NPC1: variants seen among roughly 807,000 people sequenced by gnomAD.
NPC1 encodes NPC intracellular cholesterol transporter 1, also known as Niemann-Pick C1 protein.
A neutral mutation model predicts 140.4 loss-of-function variants in NPC1; 85 were observed. The ratio of observed to expected loss-of-function variants is 0.61; its 90% CI spans 0.51 to 0.72. The LOEUF is 0.72. NPC1 is among the 30% of genes least tolerant of loss of function. The pLI, the probability that NPC1 is intolerant of heterozygous loss-of-function variation, is 0.00. For synonymous variants in NPC1, 656 were observed against 624.8 expected (o/e 1.05, Z -0.74); for missense variants, 1,504 against 1,623.8 (o/e 0.93, Z 1.27).
At chr18:23,536,449 A>T (rs147856646) in intron 21 of NPC1, among the ~76,000 whole-genome samples, 33 of 152,278 alleles carry the variant, frequency 2.2e-4, no homozygotes, top group Admixed American at 1.3e-3. Context: ...AGTGGCGCAG[A>T]GATCAAGTTT....
intron 9 of NPC1, among the ~76,000 whole-genome samples, chr18:23,552,299 A>AT (rs1207535126): frequency 1.3e-5 from 2 of 152,156 alleles, no homozygotes; most frequent in Admixed American, 6.5e-5. Context: ...TCTAAAAAAA[A>AT]AATAATAATA....
chr18:23,532,972 T>C lies in NPC1; in HGVS notation c.3754+383A>G, dbSNP rs950644155. 7 of 983,866 alleles carry C rather than the reference T, an allele frequency of 7.1e-6. No individual in the cohort carries two copies. The Admixed American group carries it at 2.5e-4, about 35-fold the overall frequency. The allele number at this position is 983,866 out of a possible 1,614,324, so 60.9% of individuals were successfully genotyped here. A position where few individuals can be genotyped will look rare whatever the true frequency, so the allele number is the denominator to read the frequency against. ...ACTTTGCTAAGAAACGGGAAATCCA[T>C]GAGGGACATAAAAAGCTGTTCTGCA... On this transcript the variant is annotated intron_variant, in intron 24 of 24. Coordinates refer to ENST00000269228, the MANE Select transcript of NPC1 (RefSeq NM_000271.5).
exon 4 of NPC1, chr18:23,506,617 G>A (rs919491016): frequency 4.0e-6 from 1 of 252,930 alleles, no homozygotes; most frequent in African/African-American, 2.4e-5. Flanking sequence ...AGATGCACAA[G>A]TAGATAGTTC....
chr18:23,525,827 C>T (rs1382537555), downstream of NPC1, among the ~76,000 whole-genome samples: 2 of 152,102 alleles, frequency 1.3e-5, no homozygotes, highest in African/African-American at 4.8e-5. Context: ...CTCTTTAATC[C>T]TCTGTGTATT....
intron 3 of NPC1, 47 bp downstream of exon 3, chr18:23,572,019 TACCAGTTC>T (rs2059211250): frequency 9.6e-7 from 1 of 1,043,542 alleles, no homozygotes; most frequent in Admixed American, 1.8e-5. Flanking sequence ...AGCTGAGCAT[TACCAGTTC>T]ACAAGTATCT....
downstream of NPC1, chr18:23,520,117 T>A: frequency 9.6e-7 from 1 of 1,040,742 alleles, no homozygotes; most frequent in Non-Finnish European, 1.5e-6. Context: ...TTTAAACTGA[T>A]TTAAACAGCA....
At chr18:23,524,098 C>A in intron 1 of NPC1, 1 of 1,612,618 alleles carries the variant, frequency 6.2e-7, no homozygotes, top group Non-Finnish European at 8.5e-7. Context: ...TTTCTGACTG[C>A]ATCGTTGCAC....
At chr18:23,586,251 C>T in intron 1 of NPC1, 36 bp downstream of exon 1, 1 of 1,529,606 alleles carries the variant, frequency 6.5e-7, no homozygotes, top group Non-Finnish European at 8.7e-7. Flanking sequence ...CCCGCCACGT[C>T]CCCACAGGGC....
At position 23,556,442 on chromosome 18, in the gene NPC1, T is replaced by A; in HGVS notation, c.1127A>T (p.Asn376Ile). Residue 376 changes from asparagine to isoleucine, a missense_variant, in exon 8 of 25, where the codon AAT becomes ATT. Transcript: ENST00000269228. Reference sequence around the variant, plus strand: ...GGGGGCTGACCAGAGGTCAACTGGATTGGTTGTGACCCGGACAAACACCAG... The same window carrying A: ...GGGGGCTGACCAGAGGTCAACTGGAATGGTTGTGACCCGGACAAACACCAG... ...SGLVFVRVTT[N>I]PVDLWSAPSS... 3 of 1,613,976 alleles carry A rather than the reference T, an allele frequency of 1.9e-6. No homozygotes were observed. The highest frequency in any genetic ancestry group is 2.5e-6 in the Non-Finnish European group (3 of 1,179,986).
intron 10 of NPC1, among the ~76,000 whole-genome samples, chr18:23,548,845 C>T (rs1013198438): frequency 1.3e-5 from 2 of 152,104 alleles, no homozygotes; most frequent in East Asian, 3.8e-4. Flanking sequence ...GGCTGAAGTA[C>T]AGTGGTGCAA....
chr18:23,564,161 T>G (rs920045039), intron 4 of NPC1, among the ~76,000 whole-genome samples: 14 of 123,084 alleles, frequency 1.1e-4, no homozygotes, highest in South Asian at 7.5e-4. Context: ...ATTTTTCTAT[T>G]TTAGTAGAGA....
At chr18:23,574,540 C>T (rs1001521565) in intron 1 of NPC1, among the ~76,000 whole-genome samples, 2 of 152,176 alleles carry the variant, frequency 1.3e-5, no homozygotes, top group African/African-American at 4.8e-5. Flanking sequence ...CTAAGTCAGT[C>T]TGTGTTGGTC....
At chr18:23,548,769 A>G (rs1222443809) in intron 10 of NPC1, among the ~76,000 whole-genome samples, 3 of 152,194 alleles carry the variant, frequency 2.0e-5, no homozygotes, top group Non-Finnish European at 4.4e-5. Flanking sequence ...ACTTGTAGAA[A>G]TAAATCTTTT....
chr18:23,511,543 GATAA>G (rs2057857908), intron 3 of NPC1, among the ~76,000 whole-genome samples: 2 of 151,876 alleles, frequency 1.3e-5, no homozygotes, highest in Non-Finnish European at 2.9e-5. Context: ...CTATAATCCC[GATAA>G]ATAATTATTA....
intron 4 of NPC1, among the ~76,000 whole-genome samples, 193 bp from the exon 5 acceptor site, chr18:23,561,720 T>C (rs1328188679): frequency 6.6e-6 from 1 of 152,002 alleles, no homozygotes; most frequent in Non-Finnish European, 1.5e-5. Context: ...GCAAATAATA[T>C]GGAGGCCCGA....
downstream of NPC1, chr18:23,530,567 G>A: frequency 6.2e-7 from 1 of 1,614,124 alleles, no homozygotes; most frequent in Non-Finnish European, 8.5e-7. Context: ...CCGCTTTTTT[G>A]AACAGCGAAA....
intron 1 of NPC1, among the ~76,000 whole-genome samples, chr18:23,575,649 T>TCG (rs1333173733): frequency 6.6e-6 from 1 of 151,642 alleles, no homozygotes; most frequent in Non-Finnish European, 1.5e-5. Context: ...GCTTGAGACC[T>TCG]CGGCAAAGAG....
At position 23,561,369 on chromosome 18, in the gene NPC1, C is replaced by T; in HGVS notation, c.622G>A (p.Val208Met). 1.9e-6 allele frequency: 3 copies of T among 1,614,142 alleles called. No individual in the cohort carries two copies. The highest frequency in any genetic ancestry group is 2.5e-6 in the Non-Finnish European group (3 of 1,180,012). The change falls in exon 5 of 25, where the codon GTG becomes ATG. Residue 208 changes from valine (V) to methionine (M), a missense_variant. Coordinates refer to ENST00000269228, the MANE Select transcript of NPC1 (RefSeq NM_000271.5). ...NGQAPFTITP[V>M]FSDFPVHGME... ...GAATCTTTATACCTACCTGAAAACA[C>T]AGGAGTGATGGTAAAAGGTGCCTGT...
At chr18:23,563,932 T>C (rs1361708980) in intron 4 of NPC1, among the ~76,000 whole-genome samples, 3 of 151,916 alleles carry the variant, frequency 2.0e-5, no homozygotes, top group Non-Finnish European at 4.4e-5. Flanking sequence ...GTCTACTCTA[T>C]TCAGATCTTT....
Sources: gnomAD v4.1 joint callset for allele counts (sites outside exome capture counted in the v4.1 genomes callset) on GRCh38, gnomAD v4.1.1 for gene constraint, MANE v1.5 for transcripts, NCBI Gene and HGNC (gene_info 2026-07-23, HGNC 2026-07-21) for gene names.